Variants in DNER observed in about 807,000 individuals in gnomAD.
DNER encodes delta/notch like EGF repeat containing.
A neutral mutation model predicts 78.2 loss-of-function variants in DNER; 33 were observed. The ratio of observed to expected loss-of-function variants is 0.42; its 90% CI spans 0.32 to 0.56. The LOEUF is 0.56. Ranked by LOEUF, DNER falls within the 20% of genes least tolerant of loss-of-function variation. The probability of loss-of-function intolerance (pLI) is 0.11; values close to 1 mark genes in which losing one functional copy is unlikely to be tolerated. For missense variants in DNER, 918 were observed against 975.3 expected, an observed-to-expected ratio of 0.94 and a Z score of 0.78; for synonymous variants, 417 against 384.8, an observed-to-expected ratio of 1.08 and a Z score of -0.98.
chr2:229,625,889 TTTGTTGTTTTTG>T (rs149519949), intron 1 of DNER, among the ~76,000 whole-genome samples: 95,820 of 130,072 alleles, frequency 0.74, 32,319 homozygotes, highest in East Asian at 0.9. Flanking sequence ...CAACTTTGTT[TTTGTTGTTTTTG>T]TTGTTGTTGT....
At chr2:229,605,985 C>T (rs1313461671) in intron 1 of DNER, among the ~76,000 whole-genome samples, 4 of 152,050 alleles carry the variant, frequency 2.6e-5, no homozygotes, top group African/African-American at 9.7e-5. Flanking sequence ...TTTCACCATT[C>T]AAGATTTTAA....
intron 5 of DNER, among the ~76,000 whole-genome samples, chr2:229,531,446 A>G (rs10191526): frequency 0.026 from 3,912 of 152,318 alleles, 166 homozygotes; most frequent in African/African-American, 0.089. Flanking sequence ...AGAAAAATGC[A>G]ACCAAAAGCA....
chr2:229,553,176 A>G (rs1696783225), intron 4 of DNER, among the ~76,000 whole-genome samples: 1 of 152,178 alleles, frequency 6.6e-6, no homozygotes, highest in Non-Finnish European at 1.5e-5. Context: ...TGGGATTCTG[A>G]TGTGCAATGA....
chr2:229,706,747 T>C (rs1699833567), intron 1 of DNER, among the ~76,000 whole-genome samples: 1 of 152,186 alleles, frequency 6.6e-6, no homozygotes, highest in African/African-American at 2.4e-5. Flanking sequence ...CAATGTGAGT[T>C]TTTTTTAATG....
intron 11 of DNER, among the ~76,000 whole-genome samples, chr2:229,376,584 C>T (rs1017238212): frequency 1.2e-4 from 19 of 152,102 alleles, no homozygotes; most frequent in Non-Finnish European, 4.4e-5. Flanking sequence ...TTTGGAGATG[C>T]TAAAGAATGG....
At chr2:229,532,423 G>A (rs748420492) in intron 5 of DNER, among the ~76,000 whole-genome samples, 21 of 152,060 alleles carry the variant, frequency 1.4e-4, no homozygotes, top group Non-Finnish European at 2.6e-4. Context: ...TCTTTTGACC[G>A]AATTTCCCAC....
intron 1 of DNER, among the ~76,000 whole-genome samples, chr2:229,704,797 T>G (rs1699802132): frequency 6.6e-6 from 1 of 152,248 alleles, no homozygotes; most frequent in African/African-American, 2.4e-5. Flanking sequence ...GTAAATTATA[T>G]CTTAATTTTA....
chr2:229,625,880 A>T (rs1056426957), intron 1 of DNER, among the ~76,000 whole-genome samples: 1 of 139,644 alleles, frequency 7.2e-6, no homozygotes, highest in African/African-American at 2.8e-5. Context: ...TCTACTATGC[A>T]ACTTTGTTTT....
chr2:229,545,726 C>A (rs1696615636), intron 5 of DNER, among the ~76,000 whole-genome samples: 1 of 152,200 alleles, frequency 6.6e-6, no homozygotes, highest in African/African-American at 2.4e-5. Context: ...TGCCCCCATG[C>A]CCTGGCCACA....
chr2:229,452,907 C>T (rs546449818), intron 7 of DNER, among the ~76,000 whole-genome samples: 42 of 152,320 alleles, frequency 2.8e-4, no homozygotes, highest in African/African-American at 9.6e-4. Context: ...GGATTACAGG[C>T]GTGAGCCACC....
intron 6 of DNER, among the ~76,000 whole-genome samples, chr2:229,501,794 T>C (rs114224224): frequency 0.031 from 4,665 of 152,318 alleles, 110 homozygotes; most frequent in Middle Eastern, 0.058. Context: ...CGGAGGTTAA[T>C]TAATTGATAT....
chr2:229,414,777 C>T (rs928108172), intron 9 of DNER, among the ~76,000 whole-genome samples: 2 of 152,098 alleles, frequency 1.3e-5, no homozygotes, highest in Non-Finnish European at 2.9e-5. Flanking sequence ...GAGCAAATGG[C>T]AGTTAAGACA....
intron 12 of DNER, among the ~76,000 whole-genome samples, chr2:229,363,852 G>GGA (rs1692275034): frequency 6.6e-6 from 1 of 151,998 alleles, no homozygotes; most frequent in South Asian, 2.1e-4. Context: ...AGGGGCAGAG[G>GGA]GAATCCTAAT....
At chr2:229,685,571 A>C (rs1034183088) in intron 1 of DNER, among the ~76,000 whole-genome samples, 2 of 152,222 alleles carry the variant, frequency 1.3e-5, no homozygotes, top group African/African-American at 2.4e-5. Context: ...TATTATCGTC[A>C]TTAAAGAGAA....
chr2:229,485,822 A>T (rs990051433), intron 6 of DNER, among the ~76,000 whole-genome samples: 7 of 152,140 alleles, frequency 4.6e-5, no homozygotes, highest in African/African-American at 1.4e-4. Flanking sequence ...GAAATAATAA[A>T]AAAAAAAATT....
At chr2:229,550,181 C>T (rs548034580) in intron 4 of DNER, among the ~76,000 whole-genome samples, 4 of 151,410 alleles carry the variant, frequency 2.6e-5, no homozygotes, top group South Asian at 2.1e-4. Flanking sequence ...TTAGTAGAGA[C>T]GGGATTTCAC....
At chr2:229,389,281 C>T (rs190019681) in intron 10 of DNER, among the ~76,000 whole-genome samples, 40 of 151,884 alleles carry the variant, frequency 2.6e-4, no homozygotes, top group South Asian at 1.5e-3. Flanking sequence ...GCCAATGTCA[C>T]GGTGATTCAA....
intron 8 of DNER, among the ~76,000 whole-genome samples, chr2:229,424,720 C>G (rs1574837451): frequency 6.6e-6 from 1 of 152,286 alleles, no homozygotes; most frequent in East Asian, 1.9e-4. Flanking sequence ...GAGGTTACAA[C>G]TTCAACATAT....
At chr2:229,552,459 G>A (rs372198122) in intron 4 of DNER, among the ~76,000 whole-genome samples, 2 of 152,204 alleles carry the variant, frequency 1.3e-5, no homozygotes, top group Non-Finnish European at 2.9e-5. Flanking sequence ...TAAGCCCCAC[G>A]TGTGGTGGGA....
Sources: allele counts gnomAD v4.1 joint callset (sites outside exome capture counted in the v4.1 genomes callset), GRCh38; gene constraint gnomAD v4.1.1; transcripts MANE v1.5; gene names NCBI Gene and HGNC (gene_info 2026-07-23, HGNC 2026-07-21).